The following FRMD4A variants were observed in gnomAD, a reference collection of about 807,000 sequenced individuals.
The protein encoded by FRMD4A is FERM domain-containing protein 4A.
Under a neutral mutation model 129.1 loss-of-function variants are expected in FRMD4A, and 29 were observed. The observed-to-expected ratio is 0.22, with a 90% CI of 0.17 to 0.31. FRMD4A has a LOEUF of 0.31. FRMD4A is among the 10% of genes least tolerant of loss of function. The pLI is 1.00. For synonymous variants in FRMD4A, 634 were observed against 571.6 expected, an observed-to-expected ratio of 1.11 and a Z score of -1.56; for missense variants, 1,272 against 1,375.8, an observed-to-expected ratio of 0.92 and a Z score of 1.19.
At chr10:13,875,106 G>C (rs2094475630) in intron 2 of FRMD4A, among the ~76,000 whole-genome samples, 1 of 152,132 alleles carries the variant, frequency 6.6e-6, no homozygotes, top group Admixed American at 6.5e-5. Context: ...AGAATGTTCT[G>C]GAAATGTCAC....
intron 3 of FRMD4A, among the ~76,000 whole-genome samples, chr10:13,857,499 TATTTTCTG>T (rs2131033586): frequency 1.3e-5 from 1 of 79,504 alleles, no homozygotes; most frequent in Admixed American, 1.2e-4. Context: ...GCCTTTTTCC[TATTTTCTG>T]TTTCCTATAT....
In FRMD4A at chr10:13,955,062, C is replaced by G. The variant is rs187612872; in HGVS notation, c.46-96150G>C. 2.7e-3 allele frequency among the ~76,000 whole-genome samples: 403 copies of G among 148,140 alleles called. 4 individuals carry two copies. Among genetic ancestry groups the G allele is most frequent in the African/African-American group, 9.5e-3 (381 of 40,196 alleles). On this transcript the variant is annotated intron_variant, in intron 2 of 24. Coordinates refer to ENST00000357447, the MANE Select transcript of FRMD4A (RefSeq NM_018027.5). ...CAAAGCATACCTCATATTCAATTGT[C>G]TATGGTAAGGTAGTCTTCCAACTCT...
chr10:14,160,270 C>T (rs975969413), intron 2 of FRMD4A, among the ~76,000 whole-genome samples: 1 of 151,982 alleles, frequency 6.6e-6, no homozygotes, highest in Non-Finnish European at 1.5e-5. Context: ...CTCTCTCTCA[C>T]CATATTAAAA....
chr10:14,170,544 A>G (rs1049178030), intron 2 of FRMD4A, among the ~76,000 whole-genome samples: 3 of 152,188 alleles, frequency 2.0e-5, no homozygotes, highest in Non-Finnish European at 4.4e-5. Context: ...AAAGACACCA[A>G]CGCTGGGAAG....
At chr10:14,246,586 C>T (rs1440631365) in intron 2 of FRMD4A, among the ~76,000 whole-genome samples, 1 of 152,188 alleles carries the variant, frequency 6.6e-6, no homozygotes, top group African/African-American at 2.4e-5. Flanking sequence ...CACATGCATG[C>T]TCATACATAT....
intron 3 of FRMD4A, among the ~76,000 whole-genome samples, chr10:13,815,172 C>G (rs113454199): frequency 6.3e-4 from 96 of 152,278 alleles, no homozygotes; most frequent in Middle Eastern, 3.4e-3. Context: ...TGTCCTGGGT[C>G]TCACAGCCAA....
chr10:14,174,155 C>A (rs1841612364), intron 2 of FRMD4A, among the ~76,000 whole-genome samples: 1 of 152,178 alleles, frequency 6.6e-6, no homozygotes, highest in Non-Finnish European at 1.5e-5. Flanking sequence ...GGTGGCTCCC[C>A]TCTCCCGGGT....
intron 2 of FRMD4A, among the ~76,000 whole-genome samples, chr10:14,049,766 A>T (rs989612909): frequency 2.0e-5 from 3 of 152,194 alleles, no homozygotes; most frequent in Non-Finnish European, 1.5e-5. Context: ...GAGGCAGGAG[A>T]ATCGCTTGAA....
chr10:14,312,340 T>A (rs1355266322), intron 2 of FRMD4A, among the ~76,000 whole-genome samples: 2 of 152,234 alleles, frequency 1.3e-5, no homozygotes, highest in Non-Finnish European at 2.9e-5. Context: ...GTCTCCGTAC[T>A]TCTGATCAGC....
chr10:14,224,457 C>G (rs562454499), intron 2 of FRMD4A, among the ~76,000 whole-genome samples: 2 of 150,994 alleles, frequency 1.3e-5, no homozygotes, highest in East Asian at 3.9e-4. Context: ...CTCATTTCCA[C>G]TCCTACTCAT....
chr10:13,788,322 G>A (rs1194864050), intron 5 of FRMD4A, among the ~76,000 whole-genome samples: 2 of 152,188 alleles, frequency 1.3e-5, no homozygotes, highest in African/African-American at 4.8e-5. Context: ...ATGCTGCAGA[G>A]CCCGCTGAAA....
intron 2 of FRMD4A, among the ~76,000 whole-genome samples, chr10:14,189,867 C>T (rs1044047735): frequency 5.3e-5 from 8 of 152,144 alleles, no homozygotes; most frequent in South Asian, 2.1e-4. Context: ...GAATTTGAGT[C>T]GGCCTCAGTA....
At chr10:14,138,685 A>C (rs541299931) in intron 2 of FRMD4A, among the ~76,000 whole-genome samples, 1 of 152,024 alleles carries the variant, frequency 6.6e-6, no homozygotes, top group Non-Finnish European at 1.5e-5. Flanking sequence ...GCTTGAACCC[A>C]GGAGGTGGAG....
In FRMD4A at chr10:13,747,721, C is replaced by A; in HGVS notation, c.548+15G>T. 2.1e-6 allele frequency: 3 copies of A among 1,442,020 alleles called. No individual in the cohort carries two copies. The highest frequency in any genetic ancestry group is 2.9e-6 in the Non-Finnish European group (3 of 1,023,234). The allele number at this position is 1,442,020 out of a possible 1,614,324, so 89.3% of individuals were successfully genotyped here. On this transcript the variant is annotated intron_variant, in intron 9 of 24. Transcript: ENST00000357447. Reference sequence around the variant, plus strand: ...GAGAGGGACTCGCTCCTGGGGAAGACTCCAGGGGTCTTACCAGTAGGCCAG... The same window carrying A: ...GAGAGGGACTCGCTCCTGGGGAAGAATCCAGGGGTCTTACCAGTAGGCCAG...
chr10:14,223,773 GAGAGAGAGAA>G (rs1212010126), intron 2 of FRMD4A, among the ~76,000 whole-genome samples: 8 of 139,994 alleles, frequency 5.7e-5, no homozygotes, highest in African/African-American at 8.0e-5. Flanking sequence ...AAGAGAGAGA[GAGAGAGAGAA>G]AGAGAGAATA....
At chr10:14,275,430 C>T (rs12220802) in intron 2 of FRMD4A, among the ~76,000 whole-genome samples, 13,864 of 152,222 alleles carry the variant, frequency 0.091, 807 homozygotes, top group Non-Finnish European at 0.13. Context: ...CCAAAATGTC[C>T]AGACACAACT....
intron 2 of FRMD4A, among the ~76,000 whole-genome samples, chr10:13,959,471 T>TAA (rs56192445): frequency 1.5e-4 from 8 of 53,122 alleles, no homozygotes; most frequent in African/African-American, 5.4e-4. Context: ...GACTGTTTCA[T>TAA]AAAAAAAAAA....
chr10:14,110,519 C>T (rs915594127), intron 2 of FRMD4A, among the ~76,000 whole-genome samples: 1 of 152,100 alleles, frequency 6.6e-6, no homozygotes, highest in Non-Finnish European at 1.5e-5. Context: ...CAGAAATAAA[C>T]ATTCGGGACA....
At chr10:14,141,653 CT>C (rs1046496509) in intron 2 of FRMD4A, among the ~76,000 whole-genome samples, 9 of 152,172 alleles carry the variant, frequency 5.9e-5, no homozygotes, top group African/African-American at 2.2e-4. Context: ...GCCTTTTCCC[CT>C]GTCCTTCGAT....
Sources: allele counts gnomAD v4.1 joint callset (sites outside exome capture counted in the v4.1 genomes callset), GRCh38; gene constraint gnomAD v4.1.1; transcripts MANE v1.5; gene names NCBI Gene and HGNC (gene_info 2026-07-23, HGNC 2026-07-21).